The following CCDC102A variants were observed in gnomAD, a reference collection of about 807,000 sequenced individuals.
CCDC102A encodes the protein coiled-coil domain containing 102A.
Under a neutral mutation model 55.5 loss-of-function variants are expected in CCDC102A, and 40 were observed. The observed-to-expected ratio is 0.72, with a 90% CI of 0.56 to 0.94. The LOEUF is 0.94. Among genes scored for constraint, CCDC102A ranks in the 40% least tolerant of loss-of-function variants. The pLI is 0.00. For missense variants in CCDC102A, 779 were observed against 768.6 expected (o/e 1.01, Z -0.16); for synonymous variants, 323 against 339.0 (o/e 0.95, Z 0.52).
rs1193371074 is a variant in CCDC102A, at chr16:57,516,924, T to C, written c.1249-461A>G. On this transcript the variant is annotated intron_variant, in intron 6 of 8. Coordinates refer to ENST00000258214, the MANE Select transcript of CCDC102A (RefSeq NM_033212.4). The surrounding 1 kb of genome is among the most constrained non-coding windows in gnomAD (Gnocchi z 4.4). Reference sequence around the variant, plus strand: ...AAGAGATGCCCACCCTGGAGCTCTGTGAGTTCTCTAAGCCTCAGTTTCCAT... The same window carrying C: ...AAGAGATGCCCACCCTGGAGCTCTGCGAGTTCTCTAAGCCTCAGTTTCCAT... 6.6e-6 allele frequency among the ~76,000 whole-genome samples: 1 copy of C among 152,190 alleles called. No individual in the cohort carries two copies. Among genetic ancestry groups the C allele is most frequent in the Non-Finnish European group, 1.5e-5 (1 of 68,032 alleles).
intron 2 of CCDC102A, among the ~76,000 whole-genome samples, chr16:57,526,544 T>C (rs757446536): frequency 2.0e-4 from 30 of 152,298 alleles, no homozygotes; most frequent in Admixed American, 4.6e-4. Context: ...ATGGGGAGAC[T>C]GGTGACACAG....
chr16:57,533,418 C>G (rs1023805725), intron 1 of CCDC102A, among the ~76,000 whole-genome samples: 1 of 151,978 alleles, frequency 6.6e-6, no homozygotes, highest in African/African-American at 2.4e-5. Flanking sequence ...CCTACCCTGC[C>G]CCACTCATAC....
chr16:57,531,753 G>A (rs1022808166), intron 1 of CCDC102A, among the ~76,000 whole-genome samples: 1 of 152,048 alleles, frequency 6.6e-6, no homozygotes, highest in Admixed American at 6.5e-5. Flanking sequence ...CACCTTCTGT[G>A]CTCCTAATTT....
intron 4 of CCDC102A, among the ~76,000 whole-genome samples, chr16:57,520,568 T>TAACAC (rs2032028330): frequency 7.6e-6 from 1 of 131,570 alleles, no homozygotes; most frequent in Non-Finnish European, 1.6e-5. Context: ...TAACATAACA[T>TAACAC]AACATAACAT....
chr16:57,521,277 C>A, intron 3 of CCDC102A, 101 bp from the exon 4 acceptor site: 2 of 870,768 alleles, frequency 2.3e-6, no homozygotes, highest in East Asian at 2.5e-5. Context: ...TTGTTGAGCC[C>A]AAGTCCAAAA....
chr16:57,524,585 AT>A (rs549982679), intron 3 of CCDC102A, among the ~76,000 whole-genome samples: 11,637 of 84,570 alleles, frequency 0.14, 572 homozygotes, highest in East Asian at 0.2. Flanking sequence ...TAAAAAAAAT[AT>A]ATATATATAT....
chr16:57,525,987 T>C lies in CCDC102A; in HGVS notation c.726A>G (p.Thr242=). ...QERSRLPWED[T]AATEEEASKL... Reference sequence around the variant, plus strand: ...TGGAGGCCTCCTCCTCCGTGGCAGCTGTGTCCTCCCAGGGTAGCCGGCTGC... The same window carrying C: ...TGGAGGCCTCCTCCTCCGTGGCAGCCGTGTCCTCCCAGGGTAGCCGGCTGC... The change falls in exon 3 of 9, where the codon ACA becomes ACG. Residue 242 remains threonine (T), a synonymous_variant. Transcript: ENST00000258214. 1 of 1,611,424 alleles carries C rather than the reference T, an allele frequency of 6.2e-7. No homozygotes were observed.
At position 57,512,610 on chromosome 16, in the gene CCDC102A, G is replaced by C. The variant is rs2031884796; in HGVS notation, c.*131C>G. Reference sequence around the variant, plus strand: ...GTGGGACTGTTGACGCCATCCCTGGGAGAGAAGAAAGTCGGCTGTGGCAGG... The same window carrying C: ...GTGGGACTGTTGACGCCATCCCTGGCAGAGAAGAAAGTCGGCTGTGGCAGG... On this transcript the variant is annotated 3_prime_UTR_variant, in exon 9 of 9. Transcript: ENST00000258214. 3 of 1,157,258 alleles carry C rather than the reference G, an allele frequency of 2.6e-6. No homozygotes were observed. In the Admixed American group the frequency reaches 7.1e-5, roughly 28 times the overall value. The allele number at this position is 1,157,258 out of a possible 1,614,324, so 71.7% of individuals were successfully genotyped here.
At chr16:57,515,667 G>A (rs1244100746) in intron 7 of CCDC102A, among the ~76,000 whole-genome samples, 15 of 150,876 alleles carry the variant, frequency 9.9e-5, no homozygotes, top group African/African-American at 3.7e-4. Context: ...ATCCTCCCAG[G>A]CCCTGCACTA....
At chr16:57,523,959 G>A in intron 3 of CCDC102A, among the ~76,000 whole-genome samples, 1 of 152,098 alleles carries the variant, frequency 6.6e-6, no homozygotes. Context: ...CTCAGCCATT[G>A]GTGAGCACCT....
At position 57,528,669 on chromosome 16, in the gene CCDC102A, G is replaced by C; in HGVS notation, c.509C>G (p.Thr170Arg). 8.7e-7 allele frequency: 1 copy of C among 1,144,980 alleles called. No homozygotes were observed. Among genetic ancestry groups the C allele is most frequent in the Non-Finnish European group, 1.1e-6 (1 of 928,334 alleles). 70.9% of individuals were successfully genotyped at this position (1,144,980 alleles called of 1,614,324 possible). The change falls in exon 2 of 9, where the codon ACG becomes AGG. Residue 170 changes from threonine (T) to arginine (R), a missense_variant. Transcript: ENST00000258214. ...CGCTTCCGGCTCGGGGCCGTCGCGCGTCTGGTCGGCGACCCCCCGGGCGCC... is the reference window on the plus strand; with the variant it reads ...CGCTTCCGGCTCGGGGCCGTCGCGCCTCTGGTCGGCGACCCCCCGGGCGCC... ...LRGARGVADQ[T>R]RDGPEPEAER...
intron 1 of CCDC102A, among the ~76,000 whole-genome samples, chr16:57,530,792 C>T (rs1245600747): frequency 6.6e-6 from 1 of 151,962 alleles, no homozygotes; most frequent in Non-Finnish European, 1.5e-5. Flanking sequence ...TCCCCTGGCA[C>T]CTCCCTTTTA....
At chr16:57,519,906 C>T (rs933188583) in intron 4 of CCDC102A, among the ~76,000 whole-genome samples, 86 of 152,330 alleles carry the variant, frequency 5.6e-4, no homozygotes, top group African/African-American at 2.0e-3. Context: ...AGAAACCCAC[C>T]GATCCAGTGT....
At chr16:57,521,917 G>A (rs1244101430) in intron 3 of CCDC102A, among the ~76,000 whole-genome samples, 1 of 152,048 alleles carries the variant, frequency 6.6e-6, no homozygotes, top group African/African-American at 2.4e-5. Flanking sequence ...GGTTCCCAGA[G>A]GGGACAACGT....
In CCDC102A at chr16:57,516,565, G is replaced by C. The variant is rs1451510158; in HGVS notation, c.1249-102C>G. On this transcript the variant is annotated intron_variant, in intron 6 of 8. Transcript: ENST00000258214. This position sits in a 1 kb window ranked among gnomAD's most constrained non-coding sequence, Gnocchi z 4.4. ...AGGTCAGGCAGTTCTAGGGATGCTG[G>C]GTGTCTCTCCTTCCCAGAATCTCTC... The C allele has an allele frequency of 4.4e-6, 4 of 902,320 alleles. No individual in the cohort carries two copies. The highest frequency in any genetic ancestry group is 2.6e-5 in the East Asian group (1 of 38,646). 55.9% of individuals were successfully genotyped at this position (902,320 alleles called of 1,614,324 possible). A position where few individuals can be genotyped will look rare whatever the true frequency, so the allele number is the denominator to read the frequency against.
chr16:57,513,771 G>C (rs372114960), intron 8 of CCDC102A, among the ~76,000 whole-genome samples: 2 of 152,208 alleles, frequency 1.3e-5, no homozygotes, highest in East Asian at 3.9e-4. Context: ...TTGGGCCCAC[G>C]CCTGGGCCCC....
intron 6 of CCDC102A, among the ~76,000 whole-genome samples, chr16:57,517,471 C>T (rs937298503): frequency 6.6e-6 from 1 of 152,078 alleles, no homozygotes; most frequent in African/African-American, 2.4e-5. Flanking sequence ...CTCAGCCACC[C>T]GAGTAGCTGG....
intron 7 of CCDC102A, 114 bp from the exon 8 acceptor site, chr16:57,515,558 G>T: frequency 1.4e-6 from 1 of 704,092 alleles, no homozygotes; most frequent in Non-Finnish European, 2.6e-6. Flanking sequence ...TCCTCCGAGA[G>T]TGTTTGCTCC....
chr16:57,512,926 A>T, intron 8 of CCDC102A, 56 bp from the exon 9 acceptor site: 2 of 1,506,050 alleles, frequency 1.3e-6, no homozygotes, highest in Non-Finnish European at 1.8e-6. Flanking sequence ...TCCCCCGATA[A>T]GGTGGCTGCA....
Sources: allele counts gnomAD v4.1 joint callset (sites outside exome capture counted in the v4.1 genomes callset), GRCh38; gene constraint gnomAD v4.1.1; non-coding constraint Gnocchi (gnomAD v3.1); transcripts MANE v1.5; gene names NCBI Gene and HGNC (gene_info 2026-07-23, HGNC 2026-07-21).